Variants in DOCK10 observed in about 807,000 individuals in gnomAD.
DOCK10 encodes the protein dedicator of cytokinesis 10.
In DOCK10, 145 loss-of-function variants were observed where a neutral mutation model predicts 280.1. The ratio of observed to expected loss-of-function variants is 0.52; its 90% CI spans 0.45 to 0.59. DOCK10 has a LOEUF of 0.59. Ranked by LOEUF, DOCK10 falls within the 20% of genes least tolerant of loss-of-function variation. DOCK10 has a pLI of 0.00. For synonymous variants in DOCK10, 915 were observed against 942.2 expected (o/e 0.97, Z 0.53); for missense variants, 2,368 against 2,651.7 (o/e 0.89, Z 2.35).
chr2:224,892,411 A>AG (rs1699735800), intron 4 of DOCK10, among the ~76,000 whole-genome samples: 16 of 103,334 alleles, frequency 1.5e-4, no homozygotes, highest in South Asian at 2.9e-4. Context: ...AAAAAAAAAA[A>AG]AAAAAAAAAA....
At chr2:224,838,465 C>T in intron 24 of DOCK10, among the ~76,000 whole-genome samples, 1 of 152,100 alleles carries the variant, frequency 6.6e-6, no homozygotes, top group Non-Finnish European at 1.5e-5. Context: ...CTATCAGCTG[C>T]AATATCTAGG....
At chr2:224,888,350 T>C (rs1699435851) in intron 4 of DOCK10, among the ~76,000 whole-genome samples, 1 of 151,924 alleles carries the variant, frequency 6.6e-6, no homozygotes, top group South Asian at 2.1e-4. Flanking sequence ...TGAATACATA[T>C]GTGTGTGTCT....
At chr2:225,010,767 G>T (rs1198785501) in intron 1 of DOCK10, among the ~76,000 whole-genome samples, 1 of 151,976 alleles carries the variant, frequency 6.6e-6, no homozygotes, top group East Asian at 1.9e-4. Flanking sequence ...TTTTTTCAAA[G>T]ACAGACATCA....
rs764525152 is a variant in DOCK10 at position 224,800,141 on chromosome 2, T to A, written c.4506+10A>T. ...TCATTTTTTGCAGAAAATGTTATCATCATATTCACCTGATGAGTCTGTGTG... is the reference window on the plus strand; with the variant it reads ...TCATTTTTTGCAGAAAATGTTATCAACATATTCACCTGATGAGTCTGTGTG... On this transcript the variant is annotated intron_variant, in intron 41 of 55. Coordinates refer to ENST00000258390, the MANE Select transcript of DOCK10 (RefSeq NM_014689.3). 15 of 1,509,828 alleles carry A rather than the reference T, an allele frequency of 9.9e-6. No homozygotes were observed. The East Asian group carries it at 3.4e-4, about 34-fold the overall frequency. 93.5% of individuals were successfully genotyped at this position (1,509,828 alleles called of 1,614,324 possible). A position where few individuals can be genotyped will look rare whatever the true frequency, so the allele number is the denominator to read the frequency against.
At chr2:224,969,143 T>C (rs1020228195) in intron 1 of DOCK10, among the ~76,000 whole-genome samples, 1 of 152,184 alleles carries the variant, frequency 6.6e-6, no homozygotes, top group African/African-American at 2.4e-5. Context: ...GTGTTAAAAA[T>C]GTGCACTTGT....
In DOCK10 at chr2:224,874,659, T is replaced by G; in HGVS notation, c.1017+7A>C. The G allele has an allele frequency of 6.2e-7, 1 of 1,613,284 alleles. No individual in the cohort carries two copies. Among genetic ancestry groups the G allele is most frequent in the Non-Finnish European group, 8.5e-7 (1 of 1,179,294 alleles). ...TGGTTTTGCAAGTACAATGCCAACT[T>G]TATTACCTTTGCAAAGTCTGCGTGT... On this transcript the variant is annotated splice_region_variant and intron_variant, in intron 9 of 55. Transcript: ENST00000258390.
intron 1 of DOCK10, among the ~76,000 whole-genome samples, chr2:224,944,287 G>A (rs867125258): frequency 6.6e-6 from 1 of 152,204 alleles, no homozygotes; most frequent in African/African-American, 2.4e-5. Context: ...AGATTCCCAG[G>A]AGAAAAGCGT....
chr2:224,824,522 T>A (rs543663101), intron 27 of DOCK10, among the ~76,000 whole-genome samples: 8 of 139,972 alleles, frequency 5.7e-5, no homozygotes, highest in African/African-American at 2.2e-4. Flanking sequence ...CTGCAACCTC[T>A]ACCTCCTCAG....
At chr2:224,852,895 G>C (rs1188132998) in intron 17 of DOCK10, 40 bp downstream of exon 17, 2 of 1,486,890 alleles carry the variant, frequency 1.3e-6, no homozygotes, top group East Asian at 2.3e-5. Flanking sequence ...TCTAAATACG[G>C]TGAAAAGAAA....
At chr2:224,790,347 C>G (rs572334078) in intron 47 of DOCK10, among the ~76,000 whole-genome samples, 10 of 152,300 alleles carry the variant, frequency 6.6e-5, no homozygotes, top group Admixed American at 5.2e-4. Context: ...TTTAGCTTCT[C>G]TTGTTTTTCT....
At chr2:224,992,166 A>G (rs1706144522) in intron 1 of DOCK10, among the ~76,000 whole-genome samples, 1 of 152,142 alleles carries the variant, frequency 6.6e-6, no homozygotes, top group Admixed American at 6.5e-5. Context: ...ATATTTTTGG[A>G]TGACACGGGA....
chr2:224,770,726 A>G lies in DOCK10; in HGVS notation c.6205-81T>C, dbSNP rs1011222318. ...ACCGCTGGAAGAGGAGCAACTGTGC[A>G]CCAATGGTGTGGTACCCCCATCTCA... On this transcript the variant is annotated intron_variant, in intron 53 of 55. Coordinates refer to ENST00000258390, the MANE Select transcript of DOCK10 (RefSeq NM_014689.3). This position sits in a 1 kb window ranked among gnomAD's most constrained non-coding sequence, Gnocchi z 4.5. 9.9e-7 allele frequency: 1 copy of G among 1,012,906 alleles called. No homozygotes were observed. The highest frequency in any genetic ancestry group is 2.4e-5 in the East Asian group (1 of 41,658). 62.7% of individuals were successfully genotyped at this position (1,012,906 alleles called of 1,614,324 possible).
chr2:224,994,282 G>T (rs1706207511), intron 1 of DOCK10, among the ~76,000 whole-genome samples: 1 of 152,164 alleles, frequency 6.6e-6, no homozygotes, highest in Non-Finnish European at 1.5e-5. Flanking sequence ...AGTCAGTTCT[G>T]TCTCTTACTA....
At position 224,853,093 on chromosome 2, in the gene DOCK10, T is replaced by C; in HGVS notation, c.1918A>G (p.Lys640Glu). The C allele has an allele frequency of 6.2e-7, 1 of 1,606,826 alleles. No individual in the cohort carries two copies. Among genetic ancestry groups the C allele is most frequent in the Non-Finnish European group, 8.5e-7 (1 of 1,175,982 alleles). The stretch of plus-strand genomic sequence containing the variant: ...GTTTGAGCCATCATGTTGAAAGGCT[T>C]GACAGGGATAAAGGACGATGTTACA... ...NCVTSSFIPV[K>E]PFNMMAQTEP... The change falls in exon 17 of 56, where the codon AAG becomes GAG. Residue 640 changes from lysine (K) to glutamate (E), a missense_variant. Around this residue, in one of 2 missense-constraint regions of DOCK10, gnomAD observed 1,209 missense variants for 1,250.9 expected, o/e 0.97. Coordinates refer to ENST00000258390, the MANE Select transcript of DOCK10 (RefSeq NM_014689.3).
At chr2:225,006,190 C>G (rs1356293102) in intron 1 of DOCK10, among the ~76,000 whole-genome samples, 1 of 152,188 alleles carries the variant, frequency 6.6e-6, no homozygotes. Context: ...TGTTTCCATA[C>G]CTTCCATTTA....
At chr2:224,947,140 A>G (rs964299072) in intron 1 of DOCK10, 1 of 1,011,898 alleles carries the variant, frequency 9.9e-7, no homozygotes, top group East Asian at 3.1e-5. Flanking sequence ...TGAGTAACTA[A>G]CTACCAGCTG....
At chr2:224,997,046 T>A (rs1302141037) in intron 1 of DOCK10, among the ~76,000 whole-genome samples, 1 of 152,172 alleles carries the variant, frequency 6.6e-6, no homozygotes, top group Non-Finnish European at 1.5e-5. Flanking sequence ...CTTCACAAGA[T>A]CTTTGTTTGC....
chr2:225,041,437 C>A (rs1478380761), intron 1 of DOCK10, among the ~76,000 whole-genome samples: 1 of 152,146 alleles, frequency 6.6e-6, no homozygotes, highest in Non-Finnish European at 1.5e-5. Flanking sequence ...CCTACTGCAA[C>A]GCAGGAACAT....
intron 1 of DOCK10, among the ~76,000 whole-genome samples, chr2:225,012,218 C>T (rs1041336331): frequency 6.6e-6 from 1 of 152,148 alleles, no homozygotes; most frequent in Non-Finnish European, 1.5e-5. Flanking sequence ...GGTAGCTTAA[C>T]GGCTCTTTGC....
Sources: gnomAD v4.1 joint callset for allele counts (sites outside exome capture counted in the v4.1 genomes callset) on GRCh38, gnomAD v4.1.1 for gene constraint, gnomAD v4.1.1 regional missense constraint, Gnocchi (gnomAD v3.1) non-coding constraint, MANE v1.5 for transcripts, NCBI Gene and HGNC (gene_info 2026-07-23, HGNC 2026-07-21) for gene names.